The following ARID4B variants were observed in gnomAD, a reference collection of about 807,000 sequenced individuals.
ARID4B encodes AT-rich interactive domain-containing protein 4B.
A neutral mutation model predicts 147.5 loss-of-function variants in ARID4B; 26 were observed. The ratio of observed to expected loss-of-function variants is 0.18; its 90% CI spans 0.13 to 0.24. ARID4B has a LOEUF of 0.24. Among genes scored for constraint, ARID4B ranks in the 10% least tolerant of loss-of-function variants. ARID4B has a pLI of 1.00. For synonymous variants in ARID4B, 512 were observed against 507.9 expected, an observed-to-expected ratio of 1.01 and a Z score of -0.11; for missense variants, 1,179 against 1,511.5, an observed-to-expected ratio of 0.78 and a Z score of 3.65.
chr1:235,197,519 A>C (rs949013107), intron 17 of ARID4B, among the ~76,000 whole-genome samples: 15 of 152,180 alleles, frequency 9.9e-5, no homozygotes, highest in African/African-American at 1.4e-4. Flanking sequence ...TCCCCATGCA[A>C]GGGGTTCTGT....
chr1:235,174,526 C>T (rs1158585427), intron 22 of ARID4B, among the ~76,000 whole-genome samples: 1 of 151,996 alleles, frequency 6.6e-6, no homozygotes, highest in Non-Finnish European at 1.5e-5. Flanking sequence ...TGGGGCTGGG[C>T]ATGGTGGCTC....
intron 9 of ARID4B, 117 bp from the exon 10 acceptor site, chr1:235,231,306 C>T (rs1040438513): frequency 1.2e-5 from 7 of 579,766 alleles, no homozygotes; most frequent in Admixed American, 1.1e-4. Flanking sequence ...GGAATGTTGA[C>T]GTTTACAATA....
chr1:235,283,128 A>T (rs1288056293), intron 2 of ARID4B, among the ~76,000 whole-genome samples: 1 of 152,262 alleles, frequency 6.6e-6, no homozygotes, highest in Non-Finnish European at 1.5e-5. Flanking sequence ...CTTTTAAAAC[A>T]CATTCATTTT....
chr1:235,196,732 A>G (rs1665518490), intron 17 of ARID4B, among the ~76,000 whole-genome samples: 1 of 151,964 alleles, frequency 6.6e-6, no homozygotes, highest in Non-Finnish European at 1.5e-5. Context: ...GGGGGCCTGT[A>G]GCCCCAGCTA....
intron 19 of ARID4B, among the ~76,000 whole-genome samples, chr1:235,189,819 T>C (rs1169095128): frequency 1.3e-5 from 2 of 151,400 alleles, no homozygotes; most frequent in Non-Finnish European, 2.9e-5. Context: ...GACAGGAAAA[T>C]CGCTTGAGCT....
intron 11 of ARID4B, among the ~76,000 whole-genome samples, chr1:235,226,884 G>A (rs1346350929): frequency 6.6e-6 from 1 of 152,112 alleles, no homozygotes; most frequent in Non-Finnish European, 1.5e-5. Flanking sequence ...GGCCAGACTG[G>A]TCTCAAACTC....
intron 16 of ARID4B, among the ~76,000 whole-genome samples, chr1:235,215,581 A>ATGTGTG (rs1558210421): frequency 7.6e-6 from 1 of 131,152 alleles, no homozygotes; most frequent in Admixed American, 7.8e-5. Flanking sequence ...GTGTGTGTGT[A>ATGTGTG]TATATTTTTC....
rs895706554 is a variant in ARID4B, at chr1:235,229,537, T to G, written c.743-152A>C. On this transcript the variant is annotated intron_variant, in intron 10 of 23. Transcript: ENST00000264183. The stretch of plus-strand genomic sequence containing the variant: ...TACCAGAAACTGTGTTAAGTGCTTT[T>G]AAATGTAGCAATATATTTAATCCTA... 2.3e-5 allele frequency: 14 copies of G among 615,416 alleles called. No homozygotes were observed. The African/African-American group carries it at 2.6e-4, about 12-fold the overall frequency. The allele number at this position is 615,416 out of a possible 1,614,324, so 38.1% of individuals were successfully genotyped here. A position where few individuals can be genotyped will look rare whatever the true frequency, so the allele number is the denominator to read the frequency against.
chr1:235,230,426 C>A (rs1572033180), intron 10 of ARID4B, among the ~76,000 whole-genome samples: 1 of 143,130 alleles, frequency 7.0e-6, no homozygotes. Context: ...CAAAACAAAA[C>A]AAAACAAAAC....
chr1:235,270,055 G>A (rs916656405), intron 2 of ARID4B, among the ~76,000 whole-genome samples: 1 of 152,110 alleles, frequency 6.6e-6, no homozygotes, highest in Non-Finnish European at 1.5e-5. Flanking sequence ...AGGCCGAGGC[G>A]GACAGATCAC....
intron 7 of ARID4B, 63 bp downstream of exon 7, chr1:235,246,357 A>G: frequency 8.3e-6 from 11 of 1,328,630 alleles, no homozygotes; most frequent in Non-Finnish European, 1.2e-5. Flanking sequence ...TAAAATAACT[A>G]TAAACAATAC....
intron 19 of ARID4B, among the ~76,000 whole-genome samples, chr1:235,187,974 C>T (rs1664806552): frequency 6.6e-6 from 1 of 151,434 alleles, no homozygotes; most frequent in African/African-American, 2.4e-5. Context: ...GTGGATGTGC[C>T]GATTTGGAAA....
At chr1:235,231,270 T>C (rs1668217022) in intron 9 of ARID4B, 81 bp from the exon 10 acceptor site, 2 of 745,398 alleles carry the variant, frequency 2.7e-6, no homozygotes, top group Admixed American at 3.1e-5. Flanking sequence ...GATGATTACA[T>C]ATCACAGAAA....
chr1:235,295,042 C>A (rs557761548), intron 2 of ARID4B, among the ~76,000 whole-genome samples: 65 of 151,276 alleles, frequency 4.3e-4, no homozygotes, highest in Non-Finnish European at 1.2e-4. Context: ...ATTTTATTTT[C>A]ATTTAAAAAG....
At chr1:235,188,676 C>A (rs1041739550) in intron 19 of ARID4B, among the ~76,000 whole-genome samples, 3 of 152,146 alleles carry the variant, frequency 2.0e-5, no homozygotes, top group Non-Finnish European at 4.4e-5. Context: ...TCCTAGAACA[C>A]TGGAAACCAT....
At chr1:235,298,663 A>G (rs1672922218) in intron 2 of ARID4B, among the ~76,000 whole-genome samples, 2 of 151,710 alleles carry the variant, frequency 1.3e-5, no homozygotes, top group African/African-American at 4.8e-5. Flanking sequence ...CCACAGTTAA[A>G]TATTTGTTTA....
chr1:235,256,139 A>AC (rs1669973501), intron 4 of ARID4B, among the ~76,000 whole-genome samples: 1 of 137,930 alleles, frequency 7.3e-6, no homozygotes, highest in African/African-American at 2.8e-5. Flanking sequence ...GCGCCACTGC[A>AC]CTCCAGCCTG....
chr1:235,322,048 G>A (rs962814128), intron 2 of ARID4B, among the ~76,000 whole-genome samples: 1 of 149,998 alleles, frequency 6.7e-6, no homozygotes, highest in East Asian at 2.0e-4. Context: ...TTTTTTTTGA[G>A]ACAGAGTATT....
intron 17 of ARID4B, among the ~76,000 whole-genome samples, chr1:235,208,108 A>T (rs1017858834): frequency 1.3e-5 from 2 of 152,242 alleles, no homozygotes; most frequent in African/African-American, 4.8e-5. Flanking sequence ...GTTGGAAATG[A>T]GCGAGAAAAT....
Sources: allele counts gnomAD v4.1 joint callset (sites outside exome capture counted in the v4.1 genomes callset), GRCh38; gene constraint gnomAD v4.1.1; transcripts MANE v1.5; gene names NCBI Gene and HGNC (gene_info 2026-07-23, HGNC 2026-07-21).